Variants in CCBE1 observed in about 807,000 individuals in gnomAD.
The protein encoded by CCBE1 is collagen and calcium-binding EGF domain-containing protein 1.
In CCBE1, 37 loss-of-function variants were observed where a neutral mutation model predicts 50.0. The observed-to-expected ratio is 0.74, with a 90% CI of 0.57 to 0.97. CCBE1 has a LOEUF of 0.97. CCBE1 is among the 50% of genes least tolerant of loss of function. The pLI is 0.00. For missense variants in CCBE1, 538 were observed against 523.8 expected (o/e 1.03, Z -0.26); for synonymous variants, 234 against 203.7 (o/e 1.15, Z -1.27).
At chr18:59,466,664 A>G (rs1911759652) in intron 5 of CCBE1, 75 bp downstream of exon 5, 1 of 928,824 alleles carries the variant, frequency 1.1e-6, no homozygotes, top group Non-Finnish European at 1.5e-6. Context: ...TATAATATAT[A>G]AACCCCCAAA....
chr18:59,594,661 ATCTTC>A (rs2053324068), intron 2 of CCBE1, among the ~76,000 whole-genome samples: 2 of 152,170 alleles, frequency 1.3e-5, no homozygotes, highest in Admixed American at 1.3e-4. Flanking sequence ...AGGGGAAAAG[ATCTTC>A]AACTGGCTAG....
chr18:59,470,032 G>C (rs369394029), intron 3 of CCBE1, among the ~76,000 whole-genome samples: 1 of 152,194 alleles, frequency 6.6e-6, no homozygotes, highest in Non-Finnish European at 1.5e-5. Context: ...TCATGTGGGA[G>C]GAAGGGCTGG....
At chr18:59,503,293 T>A (rs1913712697) in intron 2 of CCBE1, among the ~76,000 whole-genome samples, 1 of 152,208 alleles carries the variant, frequency 6.6e-6, no homozygotes, top group Non-Finnish European at 1.5e-5. Flanking sequence ...GCAGCTACCA[T>A]TTACGTAGTG....
At chr18:59,643,303 A>G (rs2054014594) in intron 2 of CCBE1, among the ~76,000 whole-genome samples, 1 of 152,224 alleles carries the variant, frequency 6.6e-6, no homozygotes, top group South Asian at 2.1e-4. Context: ...ACAAGCCACC[A>G]TCGACACTAT....
In CCBE1 at chr18:59,469,539, T is replaced by C; in HGVS notation, c.334A>G (p.Thr112Ala). ...CTDNFGRVLC[T>A]CYPGYRYDRE... ...TCATATCGGTATCCCGGATAACAAG[T>C]ACACAGCACTCGGCCAAAGTTGTCC... is the stretch of plus-strand genomic sequence containing the variant. The change falls in exon 4 of 11, where the codon ACT (threonine) becomes GCT (alanine). Residue 112 changes from threonine (T) to alanine (A), a missense_variant. Thr to Ala is a moderately conservative substitution (Grantham distance 58, BLOSUM62 0). Coordinates refer to ENST00000439986, the MANE Select transcript of CCBE1 (RefSeq NM_133459.4). 2 of 1,614,184 alleles carry C rather than the reference T, an allele frequency of 1.2e-6. No individual in the cohort carries two copies. The highest frequency in any genetic ancestry group is 1.7e-6 in the Non-Finnish European group (2 of 1,180,022).
chr18:59,562,509 G>C (rs2052755102), intron 2 of CCBE1, among the ~76,000 whole-genome samples: 1 of 152,108 alleles, frequency 6.6e-6, no homozygotes, highest in Admixed American at 6.5e-5. Context: ...CATGGGAACT[G>C]ATTTCCTACA....
intron 5 of CCBE1, among the ~76,000 whole-genome samples, chr18:59,456,547 G>A (rs759418003): frequency 6.6e-6 from 1 of 152,202 alleles, no homozygotes; most frequent in Non-Finnish European, 1.5e-5. Flanking sequence ...GAAAGGCACG[G>A]AATGGATTGT....
chr18:59,565,595 G>A (rs756990781), intron 2 of CCBE1, among the ~76,000 whole-genome samples: 4 of 152,140 alleles, frequency 2.6e-5, no homozygotes, highest in Admixed American at 1.3e-4. Flanking sequence ...CTGGCCCAGT[G>A]CAAGATGAAC....
At chr18:59,534,455 T>C (rs1385364022) in intron 2 of CCBE1, among the ~76,000 whole-genome samples, 7 of 152,234 alleles carry the variant, frequency 4.6e-5, no homozygotes, top group African/African-American at 1.7e-4. Flanking sequence ...CTTTGGGCTG[T>C]AATATTACAT....
At chr18:59,532,969 CT>C (rs1372058219) in intron 2 of CCBE1, among the ~76,000 whole-genome samples, 1 of 152,192 alleles carries the variant, frequency 6.6e-6, no homozygotes, top group Non-Finnish European at 1.5e-5. Flanking sequence ...TTTAGAACCT[CT>C]CACGGAGTAT....
intron 2 of CCBE1, among the ~76,000 whole-genome samples, chr18:59,660,369 T>G (rs2054266628): frequency 6.6e-6 from 1 of 152,056 alleles, no homozygotes; most frequent in African/African-American, 2.4e-5. Context: ...CATCCCAATC[T>G]TCCCATTTTA....
chr18:59,508,711 C>CTTTTTTT (rs55881131), intron 2 of CCBE1, among the ~76,000 whole-genome samples: 1,960 of 95,536 alleles, frequency 0.021, 194 homozygotes, highest in East Asian at 0.055. Context: ...TAGAGTTACG[C>CTTTTTTT]TTTTTTTTTT....
intron 2 of CCBE1, among the ~76,000 whole-genome samples, chr18:59,555,590 C>T (rs2052644037): frequency 6.6e-6 from 1 of 152,218 alleles, no homozygotes; most frequent in African/African-American, 2.4e-5. Context: ...GTCTTCAGTG[C>T]TGCTCAGAAC....
intron 2 of CCBE1, among the ~76,000 whole-genome samples, chr18:59,510,645 C>T (rs571197919): frequency 1.5e-3 from 224 of 152,308 alleles, no homozygotes; most frequent in African/African-American, 5.2e-3. Context: ...TGGTCCTGAA[C>T]TCCTGACCTC....
At chr18:59,592,647 G>A (rs1479064307) in intron 2 of CCBE1, among the ~76,000 whole-genome samples, 3 of 152,164 alleles carry the variant, frequency 2.0e-5, no homozygotes, top group African/African-American at 4.8e-5. Flanking sequence ...AGATAGATAC[G>A]TCTACTTATG....
rs1341932938 is a variant in CCBE1, at chr18:59,663,151, T to A, written c.212+33478A>T. On this transcript the variant is annotated intron_variant, in intron 2 of 10. Transcript: ENST00000439986. ...GAAGGATAAGATACTTTTCTTACTA[T>A]CATGGAGCAATTGCTGAGAGAAGAA... 2.6e-5 allele frequency among the ~76,000 whole-genome samples: 4 copies of A among 152,316 alleles called. No homozygotes were observed. In the South Asian group the frequency reaches 8.3e-4, roughly 32 times the overall value.
At chr18:59,483,009 G>A (rs1473914955) in intron 2 of CCBE1, among the ~76,000 whole-genome samples, 1 of 152,018 alleles carries the variant, frequency 6.6e-6, no homozygotes, top group Non-Finnish European at 1.5e-5. Context: ...TGAGTTAAAC[G>A]TGGTCTACCA....
At chr18:59,617,769 T>A (rs1487215263) in intron 2 of CCBE1, among the ~76,000 whole-genome samples, 1 of 152,214 alleles carries the variant, frequency 6.6e-6, no homozygotes, top group Non-Finnish European at 1.5e-5. Context: ...AATTCTTCTC[T>A]GACTCTGGGA....
intron 2 of CCBE1, among the ~76,000 whole-genome samples, chr18:59,693,864 CT>C (rs11410421): frequency 0.013 from 931 of 70,668 alleles, 1 homozygote; most frequent in East Asian, 0.036. Context: ...AAAGGAAAGC[CT>C]TTTTTTTTTT....
Sources: allele counts gnomAD v4.1 joint callset (sites outside exome capture counted in the v4.1 genomes callset), GRCh38; gene constraint gnomAD v4.1.1; transcripts MANE v1.5; gene names NCBI Gene and HGNC (gene_info 2026-07-23, HGNC 2026-07-21).